FRMD4A: variants seen among roughly 807,000 people sequenced by gnomAD.
FRMD4A encodes FERM domain containing 4A.
In FRMD4A, 29 loss-of-function variants were observed where a neutral mutation model predicts 129.1. The observed-to-expected ratio is 0.22, with a 90% CI of 0.17 to 0.31. The LOEUF (loss-of-function observed/expected upper bound fraction) is 0.31. Among genes scored for constraint, FRMD4A ranks in the 10% least tolerant of loss-of-function variants. The pLI, the probability that FRMD4A is intolerant of heterozygous loss-of-function variation, is 1.00. For missense variants in FRMD4A, 1,272 were observed against 1,375.8 expected, an observed-to-expected ratio of 0.92 and a Z score of 1.19; for synonymous variants, 634 against 571.6, an observed-to-expected ratio of 1.11 and a Z score of -1.56.
At chr10:13,661,136 T>TA (rs1297872440) in intron 19 of FRMD4A, among the ~76,000 whole-genome samples, 2 of 152,242 alleles carry the variant, frequency 1.3e-5, no homozygotes, top group African/African-American at 4.8e-5. Context: ...TATTCTCTTT[T>TA]AATCTCTTCC....
intron 12 of FRMD4A, among the ~76,000 whole-genome samples, chr10:13,716,952 T>C (rs146550856): frequency 6.9e-6 from 1 of 145,898 alleles, no homozygotes; most frequent in African/African-American, 2.5e-5. Context: ...TCCTTTCCTA[T>C]CCTCTGCCCC....
chr10:14,192,901 G>C (rs932799530), intron 2 of FRMD4A, among the ~76,000 whole-genome samples: 1 of 152,204 alleles, frequency 6.6e-6, no homozygotes, highest in Non-Finnish European at 1.5e-5. Context: ...ATAGGGTGCA[G>C]TTGTCACTGC....
chr10:14,323,676 A>G (rs1217689380), intron 2 of FRMD4A, among the ~76,000 whole-genome samples: 1 of 152,116 alleles, frequency 6.6e-6, no homozygotes, highest in Non-Finnish European at 1.5e-5. Flanking sequence ...TTCCCACCCC[A>G]TGTAATTCAG....
chr10:14,238,058 C>T (rs1391607258), intron 2 of FRMD4A, among the ~76,000 whole-genome samples: 1 of 152,192 alleles, frequency 6.6e-6, no homozygotes, highest in East Asian at 1.9e-4. Flanking sequence ...TGCTTAAATC[C>T]CAGCCACTGC....
At chr10:14,143,821 C>G (rs1441719955) in intron 2 of FRMD4A, among the ~76,000 whole-genome samples, 1 of 152,084 alleles carries the variant, frequency 6.6e-6, no homozygotes. Context: ...GTTGACCAGG[C>G]TGGTCTTGAA....
intron 2 of FRMD4A, among the ~76,000 whole-genome samples, chr10:13,930,624 C>T (rs976941838): frequency 6.6e-6 from 1 of 152,186 alleles, no homozygotes; most frequent in South Asian, 2.1e-4. Context: ...CAGACGTTCC[C>T]GAAGGGTCTG....
At chr10:13,798,599 C>T (rs1361511795) in intron 4 of FRMD4A, among the ~76,000 whole-genome samples, 1 of 152,142 alleles carries the variant, frequency 6.6e-6, no homozygotes, top group Non-Finnish European at 1.5e-5. Flanking sequence ...CGCCTGTAGT[C>T]CCAGCTACTC....
intron 2 of FRMD4A, among the ~76,000 whole-genome samples, chr10:14,056,793 T>G (rs1384483529): frequency 6.6e-6 from 1 of 152,370 alleles, no homozygotes; most frequent in Non-Finnish European, 1.5e-5. Flanking sequence ...TCTTTGCTGC[T>G]TCTTTGTTTC....
chr10:14,021,221 C>T (rs1283435415), intron 2 of FRMD4A, among the ~76,000 whole-genome samples: 1 of 151,798 alleles, frequency 6.6e-6, no homozygotes, highest in Non-Finnish European at 1.5e-5. Context: ...GGAAGCTATA[C>T]AGAAAATAAA....
intron 2 of FRMD4A, among the ~76,000 whole-genome samples, chr10:14,253,470 T>A (rs184044415): frequency 3.5e-4 from 54 of 152,376 alleles, no homozygotes; most frequent in East Asian, 2.9e-3. Flanking sequence ...CAACTTTTTT[T>A]TGAAAACCAC....
chr10:14,266,863 ATAGAG>A (rs1240925232), intron 2 of FRMD4A, among the ~76,000 whole-genome samples: 2 of 152,244 alleles, frequency 1.3e-5, no homozygotes, highest in African/African-American at 2.4e-5. Flanking sequence ...ATAAAAATAC[ATAGAG>A]TAGTCAATAT....
chr10:13,700,148 A>G (rs144408539), intron 14 of FRMD4A, among the ~76,000 whole-genome samples: 7 of 150,570 alleles, frequency 4.6e-5, no homozygotes, highest in Admixed American at 1.3e-4. Context: ...GGGTCTCACT[A>G]TGTTGCCCAG....
intron 2 of FRMD4A, among the ~76,000 whole-genome samples, chr10:13,887,766 C>T (rs2094642068): frequency 6.6e-6 from 1 of 152,226 alleles, no homozygotes; most frequent in Non-Finnish European, 1.5e-5. Flanking sequence ...GTAGCACCAG[C>T]TCTGACCATC....
intron 2 of FRMD4A, chr10:13,870,720 C>T (rs1419921848): frequency 6.6e-6 from 1 of 152,546 alleles, no homozygotes; most frequent in African/African-American, 2.4e-5. Flanking sequence ...CACCTAACAT[C>T]AAGACCGTGC....
At position 14,115,719 on chromosome 10, in the gene FRMD4A, A is replaced by G. The variant is rs998727659; in HGVS notation, c.45+214339T>C. Among the ~76,000 whole-genome samples the G allele has an allele frequency of 2.0e-5, 3 of 152,294 alleles. No homozygotes were observed. In the East Asian group the frequency reaches 5.8e-4, roughly 29 times the overall value. On this transcript the variant is annotated intron_variant, in intron 2 of 24. Transcript: ENST00000357447. ...ACCTCCCTCCCCGCTCTCTCTTGCCATGTGACATCCCTGCCCCCTCTCCAT... is the reference window on the plus strand; with the variant it reads ...ACCTCCCTCCCCGCTCTCTCTTGCCGTGTGACATCCCTGCCCCCTCTCCAT...
chr10:13,985,242 G>C (rs956624020), intron 2 of FRMD4A, among the ~76,000 whole-genome samples: 8 of 152,180 alleles, frequency 5.3e-5, no homozygotes, highest in Admixed American at 1.3e-4. Context: ...CCTCGCCCTC[G>C]GGTGTCCCTC....
chr10:14,018,740 T>C (rs1183735333), intron 2 of FRMD4A, among the ~76,000 whole-genome samples: 1 of 152,160 alleles, frequency 6.6e-6, no homozygotes, highest in Non-Finnish European at 1.5e-5. Flanking sequence ...ACATTGTTCT[T>C]TTACAATTTC....
intron 2 of FRMD4A, among the ~76,000 whole-genome samples, chr10:14,214,034 G>A (rs1843002653): frequency 6.6e-6 from 1 of 152,258 alleles, no homozygotes; most frequent in Non-Finnish European, 1.5e-5. Flanking sequence ...CCCTGCACAA[G>A]CTCTCTTGGC....
intron 8 of FRMD4A, among the ~76,000 whole-genome samples, chr10:13,750,069 G>A (rs7084536): frequency 0.2 from 10,899 of 54,422 alleles, 1,111 homozygotes; most frequent in African/African-American, 0.26. Context: ...AGGAAGGAAG[G>A]AAGAAAGAAA....
Sources: gnomAD v4.1 joint callset for allele counts (sites outside exome capture counted in the v4.1 genomes callset) on GRCh38, gnomAD v4.1.1 for gene constraint, MANE v1.5 for transcripts, NCBI Gene and HGNC (gene_info 2026-07-23, HGNC 2026-07-21) for gene names.